Variants in PCDH15 observed in about 807,000 individuals in gnomAD.
PCDH15 encodes the protein protocadherin-15.
A neutral mutation model predicts 178.5 loss-of-function variants in PCDH15; 129 were observed. The ratio of observed to expected loss-of-function variants is 0.72; its 90% CI spans 0.63 to 0.84. The LOEUF is 0.84. PCDH15 is among the 40% of genes least tolerant of loss of function. The pLI is 0.00. For synonymous variants in PCDH15, 800 were observed against 732.0 expected, an observed-to-expected ratio of 1.09 and a Z score of -1.50; for missense variants, 2,230 against 2,099.9, an observed-to-expected ratio of 1.06 and a Z score of -1.21.
At position 55,023,547 on chromosome 10, in the gene PCDH15, ATT is replaced by A. The variant is rs199565668; in HGVS notation, c.-79-126049_-79-126048del. Among the ~76,000 whole-genome samples the A allele has an allele frequency of 5.4e-3, 825 of 152,256 alleles. 11 individuals carry two copies. Among genetic ancestry groups the A allele is most frequent in the African/African-American group, 0.019 (797 of 41,546 alleles). On this transcript the variant is annotated intron_variant, in intron 2 of 5. Transcript: ENST00000458638. ...CTAGTATACAAATTCTAGATCGACTATTAATCTTCCTCACCACACACACACAG... is the reference window on the plus strand; with the variant it reads ...CTAGTATACAAATTCTAGATCGACTAAATCTTCCTCACCACACACACACAG...
At chr10:54,922,806 A>G (rs1471318022) in intron 2 of PCDH15, among the ~76,000 whole-genome samples, 1 of 152,206 alleles carries the variant, frequency 6.6e-6, no homozygotes, top group African/African-American at 2.4e-5. Flanking sequence ...GGTTGCTTTC[A>G]TGGGATTAAG....
chr10:55,532,304 C>G (rs1324236863), intron 2 of PCDH15, among the ~76,000 whole-genome samples: 1 of 151,956 alleles, frequency 6.6e-6, no homozygotes, highest in Non-Finnish European at 1.5e-5. Flanking sequence ...CAGATTTAAA[C>G]CTTTTTCCTC....
At chr10:53,877,326 A>G (rs932511037) in intron 26 of PCDH15, among the ~76,000 whole-genome samples, 1 of 152,148 alleles carries the variant, frequency 6.6e-6, no homozygotes, top group Non-Finnish European at 1.5e-5. Flanking sequence ...AAAGAAAAAA[A>G]TTGTGCTCTA....
intron 2 of PCDH15, among the ~76,000 whole-genome samples, chr10:55,014,568 G>C (rs992873078): frequency 6.6e-6 from 1 of 152,160 alleles, no homozygotes; most frequent in East Asian, 1.9e-4. Context: ...AAAATGAAAA[G>C]ATCAGAGAAA....
chr10:55,207,801 TA>T (rs1378851458), intron 1 of PCDH15, among the ~76,000 whole-genome samples: 2 of 152,012 alleles, frequency 1.3e-5, no homozygotes, highest in African/African-American at 2.4e-5. Context: ...AACCCGTCTT[TA>T]TTAAAAATAC....
intron 25 of PCDH15, among the ~76,000 whole-genome samples, chr10:53,923,161 C>T (rs1247553663): frequency 6.6e-6 from 1 of 152,154 alleles, no homozygotes; most frequent in Admixed American, 6.5e-5. Flanking sequence ...CAAGCATATG[C>T]TGTAAGTAAA....
intron 15 of PCDH15, among the ~76,000 whole-genome samples, chr10:54,117,535 T>A (rs1479990569): frequency 6.6e-6 from 1 of 152,198 alleles, no homozygotes; most frequent in Non-Finnish European, 1.5e-5. Context: ...GCTCTTCTTT[T>A]AGTCCTGCCC....
At chr10:54,937,450 T>C (rs1837936591) in intron 2 of PCDH15, among the ~76,000 whole-genome samples, 1 of 151,980 alleles carries the variant, frequency 6.6e-6, no homozygotes. Flanking sequence ...TCCCTGAACA[T>C]AAGATTTTTT....
chr10:55,166,941 G>A (rs1839210903), intron 1 of PCDH15, among the ~76,000 whole-genome samples: 1 of 152,072 alleles, frequency 6.6e-6, no homozygotes, highest in Non-Finnish European at 1.5e-5. Flanking sequence ...ACTTCCACCT[G>A]CATATTTGGT....
intron 8 of PCDH15, among the ~76,000 whole-genome samples, chr10:54,298,583 C>G (rs1028780535): frequency 1.3e-5 from 2 of 152,216 alleles, no homozygotes; most frequent in African/African-American, 4.8e-5. Context: ...TGTGCAGAGG[C>G]AATCACTGGA....
chr10:54,478,244 C>T (rs2078427165), intron 3 of PCDH15, among the ~76,000 whole-genome samples: 1 of 151,966 alleles, frequency 6.6e-6, no homozygotes, highest in Admixed American at 6.6e-5. Context: ...TTCCAATCGG[C>T]AGGCATATGC....
rs142322553 is a variant in PCDH15 at position 54,622,919 on chromosome 10, T to G, written c.91+41253A>C. ...TATGATGTGTTTCAAAGCAGATTCT[T>G]TATTTTCATTCTCCCAAGACCTGCT... On this transcript the variant is annotated intron_variant, in intron 2 of 37. Coordinates refer to ENST00000644397, the MANE Select transcript of PCDH15 (RefSeq NM_001384140.1). Among the ~76,000 whole-genome samples the G allele has an allele frequency of 3.0e-4, 44 of 149,090 alleles. No individual in the cohort carries two copies. The East Asian group carries it at 8.5e-3, about 29-fold the overall frequency.
At chr10:54,448,491 A>G (rs1166180733) in intron 3 of PCDH15, among the ~76,000 whole-genome samples, 3 of 151,694 alleles carry the variant, frequency 2.0e-5, no homozygotes, top group Non-Finnish European at 4.4e-5. Flanking sequence ...GTTTTAGAAT[A>G]GAATAATGAA....
chr10:53,825,116 G>C lies in PCDH15; in HGVS notation c.4367+2277C>G, dbSNP rs373209255. 5 of 1,535,936 alleles carry C rather than the reference G, an allele frequency of 3.3e-6. No homozygotes were observed. In the African/African-American group the frequency reaches 6.9e-5, roughly 21 times the overall value. On this transcript the variant is annotated intron_variant, in intron 32 of 37. Coordinates refer to ENST00000644397, the MANE Select transcript of PCDH15 (RefSeq NM_001384140.1). ...CTATTTTTCTAACGCTCTTCTATTA[G>C]AGTGATATTATTTACTTACTTATGC...
chr10:54,423,941 G>T (rs1955885346), intron 3 of PCDH15, among the ~76,000 whole-genome samples: 1 of 151,774 alleles, frequency 6.6e-6, no homozygotes, highest in Non-Finnish European at 1.5e-5. Context: ...TACCATTCAG[G>T]ACATAGGCAT....
intron 7 of PCDH15, among the ~76,000 whole-genome samples, chr10:54,321,745 G>T: frequency 7.2e-6 from 1 of 139,834 alleles, no homozygotes; most frequent in Non-Finnish European, 1.5e-5. Context: ...ATACATAATA[G>T]GAGTTTTTTC....
chr10:54,269,091 A>G (rs1323525178), intron 8 of PCDH15, among the ~76,000 whole-genome samples: 1 of 151,924 alleles, frequency 6.6e-6, no homozygotes, highest in African/African-American at 2.4e-5. Context: ...TATAATCATG[A>G]AAAAGTGAGC....
intron 8 of PCDH15, among the ~76,000 whole-genome samples, chr10:54,285,723 C>T (rs1052898393): frequency 6.6e-6 from 1 of 152,108 alleles, no homozygotes; most frequent in South Asian, 2.1e-4. Flanking sequence ...ACTGGGTACA[C>T]ATCCAAAGGA....
At chr10:54,335,281 A>G (rs1250717371) in intron 6 of PCDH15, among the ~76,000 whole-genome samples, 1 of 152,200 alleles carries the variant, frequency 6.6e-6, no homozygotes, top group African/African-American at 2.4e-5. Context: ...GACAGACAAA[A>G]TGGACTCCCT....
Sources: gnomAD v4.1 joint callset for allele counts (sites outside exome capture counted in the v4.1 genomes callset) on GRCh38, gnomAD v4.1.1 for gene constraint, MANE v1.5 for transcripts, NCBI Gene and HGNC (gene_info 2026-07-23, HGNC 2026-07-21) for gene names.